TNS3: variants seen among roughly 807,000 people sequenced by gnomAD.
TNS3 encodes tensin 3, also known as tensin-3.
TNS3 carries 45 observed loss-of-function variants against 140.9 expected under a neutral mutation model. The observed-to-expected ratio is 0.32, with a 90% confidence interval of 0.25 to 0.41. The LOEUF (loss-of-function observed/expected upper bound fraction) is 0.41, where lower values mean the gene tolerates loss of function less well. Ranked by LOEUF, TNS3 falls within the 10% of genes least tolerant of loss-of-function variation. TNS3 has a pLI of 1.00. For missense variants in TNS3, 1,716 were observed against 1,906.7 expected (o/e 0.90, Z 1.86); for synonymous variants, 815 against 788.4 (o/e 1.03, Z -0.56).
At chr7:47,316,777 CAAA>C (rs766794024) in intron 20 of TNS3, among the ~76,000 whole-genome samples, 26 of 56,002 alleles carry the variant, frequency 4.6e-4, no homozygotes, top group African/African-American at 1.3e-3. Context: ...GACTCCATCT[CAAA>C]AAAAAAAAAA....
intron 4 of TNS3, chr7:47,453,326 T>G: frequency 1.1e-6 from 1 of 870,348 alleles, no homozygotes; most frequent in Non-Finnish European, 1.4e-6. Flanking sequence ...GGCTGTGCCT[T>G]CCTGGGGACT....
chr7:47,578,967 GCGT>G (rs1784466033), intron 1 of TNS3, among the ~76,000 whole-genome samples: 1 of 119,816 alleles, frequency 8.3e-6, no homozygotes, highest in African/African-American at 2.7e-5. Flanking sequence ...TCTTGTCTCA[GCGT>G]TTTAGGAGCA....
At chr7:47,422,222 T>C (rs1794410437) in intron 10 of TNS3, among the ~76,000 whole-genome samples, 1 of 152,100 alleles carries the variant, frequency 6.6e-6, no homozygotes, top group Non-Finnish European at 1.5e-5. Context: ...GGATTAACCT[T>C]GGAATGTAAA....
intron 2 of TNS3, among the ~76,000 whole-genome samples, chr7:47,512,772 T>C (rs1798654900): frequency 6.6e-6 from 1 of 152,262 alleles, no homozygotes; most frequent in Admixed American, 6.5e-5. Flanking sequence ...GAATTTCAGA[T>C]GCATCAATCA....
At chr7:47,497,655 C>T (rs1191867353) in intron 3 of TNS3, among the ~76,000 whole-genome samples, 1 of 72,822 alleles carries the variant, frequency 1.4e-5, no homozygotes, top group Non-Finnish European at 3.0e-5. Context: ...CAGAGTTTCA[C>T]GTATGGAACA....
At chr7:47,519,162 T>G (rs549857740) in intron 2 of TNS3, among the ~76,000 whole-genome samples, 1 of 152,214 alleles carries the variant, frequency 6.6e-6, no homozygotes, top group East Asian at 1.9e-4. Context: ...GGGCGCCAGC[T>G]CCCATCCCTA....
chr7:47,536,661 T>TCCACGCTTACCAGAA (rs1799609381), intron 1 of TNS3, among the ~76,000 whole-genome samples: 1 of 152,118 alleles, frequency 6.6e-6, no homozygotes, highest in African/African-American at 2.4e-5. Context: ...TGAACCCTCT[T>TCCACGCTTACCAGAA]CCACGCTTAC....
intron 20 of TNS3, among the ~76,000 whole-genome samples, chr7:47,330,125 C>A (rs920438128): frequency 1.1e-4 from 17 of 152,286 alleles, no homozygotes; most frequent in Admixed American, 5.9e-4. Flanking sequence ...CTGCTCCCCC[C>A]ACCCAAACAC....
At chr7:47,309,423 A>T (rs891610370) in intron 20 of TNS3, among the ~76,000 whole-genome samples, 2 of 152,238 alleles carry the variant, frequency 1.3e-5, no homozygotes, top group African/African-American at 2.4e-5. Flanking sequence ...CTATGAGAGT[A>T]TGTTTAAAAC....
intron 1 of TNS3, among the ~76,000 whole-genome samples, chr7:47,533,583 T>C (rs981312185): frequency 1.1e-4 from 17 of 152,070 alleles, no homozygotes; most frequent in Admixed American, 1.1e-3. Context: ...AATAAAAGGA[T>C]TGATTCATCA....
In TNS3 at chr7:47,413,984, A is replaced by T. The variant is rs554073888; in HGVS notation, c.600T>A (p.Phe200Leu). Residue 200 changes from phenylalanine to leucine, a missense_variant, in exon 12 of 31, where the codon TTT becomes TTA. By Grantham distance (22) the Phe-to-Leu change is conservative. Around this residue, in one of 3 missense-constraint regions of TNS3, gnomAD observed 337 missense variants for 428.9 expected, o/e 0.79. Coordinates refer to ENST00000311160, the MANE Select transcript of TNS3 (RefSeq NM_022748.12). Reference protein sequence around the residue: ...NFDTGGVCRPFLKLYQAMQPV... With the variant: ...NFDTGGVCRPLLKLYQAMQPV... Reference sequence around the variant, plus strand: ...GCTGCATGGCTTGGTAGAGCTTCAGAAAGGGCCGGCACACTGAAAGAAAGG... The same window carrying T: ...GCTGCATGGCTTGGTAGAGCTTCAGTAAGGGCCGGCACACTGAAAGAAAGG... The T allele has an allele frequency of 6.2e-7, 1 of 1,613,916 alleles. No homozygotes were observed. Among genetic ancestry groups the T allele is most frequent in the Non-Finnish European group, 8.5e-7 (1 of 1,180,000 alleles).
At chr7:47,576,236 G>A (rs1800672403) in intron 1 of TNS3, among the ~76,000 whole-genome samples, 1 of 152,140 alleles carries the variant, frequency 6.6e-6, no homozygotes. Context: ...AGGCCCCTGG[G>A]GCCATGGAAA....
At chr7:47,349,560 A>G (rs1345906574) in intron 17 of TNS3, among the ~76,000 whole-genome samples, 1 of 152,228 alleles carries the variant, frequency 6.6e-6, no homozygotes, top group Non-Finnish European at 1.5e-5. Flanking sequence ...GGATTCCAGG[A>G]TGTGGCCTGT....
chr7:47,479,829 C>T lies in TNS3; in HGVS notation c.-76+1274G>A, dbSNP rs550006696. Among the ~76,000 whole-genome samples the T allele has an allele frequency of 7.9e-5, 12 of 152,354 alleles. No individual in the cohort carries two copies. The South Asian group carries it at 2.5e-3, about 32-fold the overall frequency. ...CCTGTAGTCCCTCTTCTCTCATCCGCAGCTAGGTTAGAGAGCACCTCTATG... is the reference window on the plus strand; with the variant it reads ...CCTGTAGTCCCTCTTCTCTCATCCGTAGCTAGGTTAGAGAGCACCTCTATG... On this transcript the variant is annotated intron_variant, in intron 4 of 30. Coordinates refer to ENST00000311160, the MANE Select transcript of TNS3 (RefSeq NM_022748.12).
At chr7:47,463,987 T>C (rs1189097771) in intron 4 of TNS3, among the ~76,000 whole-genome samples, 1 of 152,186 alleles carries the variant, frequency 6.6e-6, no homozygotes, top group Non-Finnish European at 1.5e-5. Flanking sequence ...TACTCTAACA[T>C]TATTAAAAGG....
At chr7:47,467,087 A>G (rs1050379298) in intron 4 of TNS3, among the ~76,000 whole-genome samples, 6 of 152,234 alleles carry the variant, frequency 3.9e-5, no homozygotes, top group African/African-American at 1.2e-4. Context: ...ATCTGTGTCC[A>G]AAGTACAAAG....
At chr7:47,336,924 C>T (rs1176908923) in intron 20 of TNS3, among the ~76,000 whole-genome samples, 2 of 152,180 alleles carry the variant, frequency 1.3e-5, no homozygotes, top group South Asian at 4.1e-4. Flanking sequence ...CCTCCAAGCC[C>T]TCTTCTCCAC....
chr7:47,360,274 G>A (rs1011921536), intron 17 of TNS3, among the ~76,000 whole-genome samples: 7 of 152,140 alleles, frequency 4.6e-5, no homozygotes, highest in African/African-American at 9.7e-5. Context: ...AAGCATCGGG[G>A]TCTGAAGGTG....
At chr7:47,447,738 C>T (rs1462085064) in intron 4 of TNS3, among the ~76,000 whole-genome samples, 1 of 152,196 alleles carries the variant, frequency 6.6e-6, no homozygotes, top group Non-Finnish European at 1.5e-5. Context: ...ACCCTAAAGA[C>T]CCTACCCTAA....
Sources: allele counts gnomAD v4.1 joint callset (sites outside exome capture counted in the v4.1 genomes callset), GRCh38; gene constraint gnomAD v4.1.1; regional missense constraint gnomAD v4.1.1; transcripts MANE v1.5; gene names NCBI Gene and HGNC (gene_info 2026-07-23, HGNC 2026-07-21).